The following LYAR variants were observed in gnomAD, a reference collection of about 807,000 sequenced individuals.
The protein encoded by LYAR is Ly1 antibody reactive, also known as cell growth-regulating nucleolar protein.
LYAR carries 37 observed loss-of-function variants against 45.2 expected under a neutral mutation model. The observed-to-expected ratio is 0.82, with a 90% CI of 0.63 to 1.08. LYAR has a LOEUF of 1.08. Ranked by LOEUF, LYAR falls within the 50% of genes least tolerant of loss-of-function variation. LYAR has a pLI of 0.00. For synonymous variants in LYAR, 176 were observed against 155.1 expected, an observed-to-expected ratio of 1.14 and a Z score of -1.00; for missense variants, 493 against 451.0, an observed-to-expected ratio of 1.09 and a Z score of -0.84.
intron 6 of LYAR, among the ~76,000 whole-genome samples, chr4:4,279,062 T>C (rs113026057): frequency 2.4e-4 from 37 of 151,934 alleles, no homozygotes; most frequent in Admixed American, 9.2e-4. Context: ...CGGAGGCTCA[T>C]GCCTGTAATT....
Position 4,268,055 on chromosome 4 carries a change from T to C in LYAR, c.1006-32A>G, listed in dbSNP as rs370985621. 539 of 1,526,286 alleles carry C rather than the reference T, an allele frequency of 3.5e-4. 1 individual carries two copies. Among genetic ancestry groups the C allele is most frequent in the Admixed American group, 6.9e-4 (33 of 47,628 alleles). 94.5% of individuals were successfully genotyped at this position (1,526,286 alleles called of 1,614,324 possible). ...AAAGAAAAACATCAAATGAGTGTAT[T>C]TGACCTGGAAAATTATCTTAAAATG... On this transcript the variant is annotated intron_variant, in intron 9 of 9. Transcript: ENST00000343470.
At chr4:4,281,742 G>A (rs1285713849) in intron 4 of LYAR, 41 bp downstream of exon 4, 2 of 1,432,264 alleles carry the variant, frequency 1.4e-6, no homozygotes, top group Admixed American at 1.7e-5. Flanking sequence ...GAAAGCGGAA[G>A]CTGTCAGAGG....
At chr4:4,285,886 G>C (rs1719590091) in intron 2 of LYAR, among the ~76,000 whole-genome samples, 1 of 152,208 alleles carries the variant, frequency 6.6e-6, no homozygotes, top group Non-Finnish European at 1.5e-5. Flanking sequence ...AGCAGTGAAA[G>C]CAGTGATGTT....
At chr4:4,273,554 G>T in intron 8 of LYAR, 29 bp downstream of exon 8, 2 of 1,552,886 alleles carry the variant, frequency 1.3e-6, no homozygotes, top group Non-Finnish European at 1.8e-6. Flanking sequence ...GTGCCCAGCC[G>T]TGCTCCTCAA....
intron 4 of LYAR, 104 bp downstream of exon 4, chr4:4,281,679 A>G: frequency 4.8e-6 from 4 of 831,654 alleles, no homozygotes; most frequent in Non-Finnish European, 8.1e-6. Flanking sequence ...TGAGGTTTCC[A>G]GAGCTTGTCT....
intron 7 of LYAR, among the ~76,000 whole-genome samples, chr4:4,274,148 A>T (rs1719071824): frequency 6.6e-6 from 1 of 152,136 alleles, no homozygotes; most frequent in Non-Finnish European, 1.5e-5. Context: ...GAGACAGAAG[A>T]ATCGCTTGAA....
intron 9 of LYAR, 142 bp from the exon 10 acceptor site, chr4:4,268,165 A>T (rs1718789419): frequency 1.4e-6 from 1 of 716,518 alleles, no homozygotes. Context: ...CTCCTTGGAA[A>T]ACCCAGGCGG....
At chr4:4,272,240 G>A (rs1304645687) in intron 8 of LYAR, among the ~76,000 whole-genome samples, 10 of 152,140 alleles carry the variant, frequency 6.6e-5, no homozygotes, top group East Asian at 1.9e-4. Flanking sequence ...AAGGGTACGC[G>A]GATACATAAG....
Position 4,283,727 on chromosome 4 carries a change from A to T in LYAR, c.16T>A (p.Cys6Ser). Residue 6 changes from cysteine (C) to serine (S), a missense_variant, in exon 3 of 10, where the codon TGC becomes AGC. Transcript: ENST00000343470. ...TTCACTGATTCACCACATGCATTGC[A>T]TGTAAAAAATACCATTTTTAGGTAA... MVFFT[C>S]NACGESVKKI... 6.2e-7 allele frequency: 1 copy of T among 1,611,490 alleles called. No homozygotes were observed. The highest frequency in any genetic ancestry group is 8.5e-7 in the Non-Finnish European group (1 of 1,179,394).
chr4:4,290,131 C>T lies in LYAR; in HGVS notation c.-203G>A, dbSNP rs769377491. 2 of 152,378 alleles carry T rather than the reference C, an allele frequency of 1.3e-5. No homozygotes were observed. Among genetic ancestry groups the T allele is most frequent in the Non-Finnish European group, 2.9e-5 (2 of 68,206 alleles). 9.4% of individuals were successfully genotyped at this position (152,378 alleles called of 1,614,324 possible). A position where few individuals can be genotyped will look rare whatever the true frequency, so the allele number is the denominator to read the frequency against. On this transcript the variant is annotated 5_prime_UTR_variant, in exon 1 of 10. Coordinates refer to ENST00000343470, the MANE Select transcript of LYAR (RefSeq NM_017816.3). ...GCGCCGCAGCTACCTGCCTCTCAGG[C>T]TTCGCGGTGCAGAATTCGCTTCTGA...
intron 1 of LYAR, among the ~76,000 whole-genome samples, chr4:4,287,329 CA>C (rs1719656766): frequency 6.6e-6 from 1 of 152,196 alleles, no homozygotes; most frequent in Admixed American, 6.5e-5. Flanking sequence ...CTCAATTCGG[CA>C]GACATTTCCT....
rs1322003188 is a variant in LYAR at position 4,274,500 on chromosome 4, A to G, written c.699T>C (p.Ala233=). ...RKKGQEADLE[A]GGEEVPEANG... ...TGGCCTCAGGGACTTCCTCCCCACC[A>G]GCCTCAAGGTCAGCCTCCTGTCCCT... Residue 233 remains alanine, a synonymous_variant, in exon 7 of 10, where the codon GCT becomes GCC. Transcript: ENST00000343470. 1 of 1,614,014 alleles carries G rather than the reference A, an allele frequency of 6.2e-7. No individual in the cohort carries two copies. The highest frequency in any genetic ancestry group is 1.1e-5 in the South Asian group (1 of 91,068).
At chr4:4,270,613 T>TA (rs1293300466) in intron 8 of LYAR, among the ~76,000 whole-genome samples, 1 of 145,778 alleles carries the variant, frequency 6.9e-6, no homozygotes, top group African/African-American at 2.5e-5. Flanking sequence ...GAAAAAAATT[T>TA]AAAAAAAGAG....
At chr4:4,274,881 T>A in intron 6 of LYAR, 112 bp from the exon 7 acceptor site, 1 of 1,028,034 alleles carries the variant, frequency 9.7e-7, no homozygotes, top group Non-Finnish European at 1.4e-6. Flanking sequence ...ACGGTTGGTT[T>A]AATCCCTTAT....
At chr4:4,281,234 A>C (rs115730582) in intron 4 of LYAR, among the ~76,000 whole-genome samples, 2 of 152,214 alleles carry the variant, frequency 1.3e-5, no homozygotes, top group Non-Finnish European at 2.9e-5. Flanking sequence ...GAGAATTCTA[A>C]AACTTTTTTT....
At chr4:4,270,376 T>A (rs1718886697) in intron 8 of LYAR, among the ~76,000 whole-genome samples, 1 of 147,886 alleles carries the variant, frequency 6.8e-6, no homozygotes, top group African/African-American at 2.6e-5. Flanking sequence ...TAAGATAAAT[T>A]GATAAATTGA....
intron 2 of LYAR, among the ~76,000 whole-genome samples, chr4:4,285,160 AC>A (rs35757502): frequency 0.019 from 2,843 of 152,262 alleles, 249 homozygotes; most frequent in Admixed American, 0.15. Flanking sequence ...TACGCTACAT[AC>A]AAACCACAGA....
At chr4:4,288,823 A>G (rs1577222266) in intron 1 of LYAR, among the ~76,000 whole-genome samples, 1 of 152,160 alleles carries the variant, frequency 6.6e-6, no homozygotes, top group East Asian at 1.9e-4. Context: ...GCACATGCAG[A>G]CACTGACCTA....
chr4:4,271,747 G>A (rs149493422), intron 8 of LYAR, among the ~76,000 whole-genome samples: 41 of 152,238 alleles, frequency 2.7e-4, no homozygotes, highest in African/African-American at 9.4e-4. Flanking sequence ...TTGAACATTC[G>A]CTTCAGAAAA....
Sources: allele counts gnomAD v4.1 joint callset (sites outside exome capture counted in the v4.1 genomes callset), GRCh38; gene constraint gnomAD v4.1.1; transcripts MANE v1.5; gene names NCBI Gene and HGNC (gene_info 2026-07-23, HGNC 2026-07-21).